ZNF670: variants seen among roughly 807,000 people sequenced by gnomAD.
ZNF670 encodes the protein zinc finger protein 670.
ZNF670 carries 7 observed loss-of-function variants against 10.9 expected under a neutral mutation model. The observed-to-expected ratio is 0.64, with a 90% CI of 0.36 to 1.20. The LOEUF (loss-of-function observed/expected upper bound fraction) is 1.20. ZNF670 is among the 50% of genes most tolerant of loss of function. ZNF670 has a pLI of 0.02. For missense variants in ZNF670, 446 were observed against 458.6 expected (o/e 0.97, Z 0.25); for synonymous variants, 136 against 152.7 (o/e 0.89, Z 0.81).
At chr1:247,072,802 GTGTATATATATA>G in intron 1 of ZNF670, among the ~76,000 whole-genome samples, 1 of 21,782 alleles carries the variant, frequency 4.6e-5, no homozygotes, top group Non-Finnish European at 8.1e-5. Flanking sequence ...AAAAAAGTGT[GTGTATATATATA>G]TATATATATA....
In ZNF670 at chr1:247,078,809, A is replaced by C. The variant is rs1272109162; in HGVS notation, c.-213T>G. The C allele has an allele frequency of 1.7e-6, 1 of 575,502 alleles. No individual in the cohort carries two copies. The highest frequency in any genetic ancestry group is 3.1e-6 in the Non-Finnish European group (1 of 323,856). 35.6% of individuals were successfully genotyped at this position (575,502 alleles called of 1,614,324 possible). ...TCCCTCCTTTCGCGGCGCGCTTGAG[A>C]GTACAGTCCCCTTCCCAGCGCCCGA... On this transcript the variant is annotated 5_prime_UTR_variant, in exon 1 of 4. Coordinates refer to ENST00000366503, the MANE Select transcript of ZNF670 (RefSeq NM_033213.5).
intron 1 of ZNF670, among the ~76,000 whole-genome samples, chr1:247,057,211 A>G (rs1021397033): frequency 6.6e-6 from 1 of 152,250 alleles, no homozygotes; most frequent in African/African-American, 2.4e-5. Flanking sequence ...AAAATGTCTC[A>G]AAAGAAGACA....
chr1:247,062,191 C>T (rs983285998), intron 1 of ZNF670, among the ~76,000 whole-genome samples: 1 of 149,438 alleles, frequency 6.7e-6, no homozygotes, highest in African/African-American at 2.5e-5. Context: ...ATTTACGACA[C>T]TTTTTTTTTT....
chr1:247,059,038 C>T (rs1025005317), intron 1 of ZNF670, among the ~76,000 whole-genome samples: 1 of 152,048 alleles, frequency 6.6e-6, no homozygotes, highest in Non-Finnish European at 1.5e-5. Context: ...ATGCAGACAA[C>T]ACTGCCCTAA....
At chr1:247,054,465 A>G (rs191021169) in intron 1 of ZNF670, among the ~76,000 whole-genome samples, 5 of 152,376 alleles carry the variant, frequency 3.3e-5, no homozygotes, top group African/African-American at 1.2e-4. Flanking sequence ...ATAAGAGCTC[A>G]GCTCCAGTAG....
At chr1:247,039,993 G>C (rs1162846715) in intron 1 of ZNF670, among the ~76,000 whole-genome samples, 1 of 152,146 alleles carries the variant, frequency 6.6e-6, no homozygotes, top group Admixed American at 6.5e-5. Flanking sequence ...ATCACCCTAA[G>C]TGAGTGGTTC....
At chr1:247,039,607 C>A (rs1670258642) in intron 1 of ZNF670, 70 bp from the exon 2 acceptor site, 1 of 1,392,490 alleles carries the variant, frequency 7.2e-7, no homozygotes, top group South Asian at 1.9e-5. Flanking sequence ...ATACTCATCT[C>A]ATAAAATCGT....
chr1:247,057,924 T>C (rs1309799524), intron 1 of ZNF670, among the ~76,000 whole-genome samples: 1 of 152,196 alleles, frequency 6.6e-6, no homozygotes, highest in Non-Finnish European at 1.5e-5. Context: ...ACCTTGTATT[T>C]TGCTAGCAAA....
chr1:247,060,520 A>G (rs1670833586), intron 1 of ZNF670, among the ~76,000 whole-genome samples: 1 of 152,252 alleles, frequency 6.6e-6, no homozygotes, highest in African/African-American at 2.4e-5. Flanking sequence ...AAGATGACAC[A>G]GGAGAAACTG....
chr1:247,049,189 G>C (rs1356339230), intron 1 of ZNF670, among the ~76,000 whole-genome samples: 1 of 144,186 alleles, frequency 6.9e-6, no homozygotes, highest in African/African-American at 2.6e-5. Context: ...ACCTCCACCT[G>C]CCGGGTTAAG....
chr1:247,037,442 T>A lies in ZNF670; in HGVS notation c.*7A>T, dbSNP rs368897480. On this transcript the variant is annotated 3_prime_UTR_variant, in exon 4 of 4. Coordinates refer to ENST00000366503, the MANE Select transcript of ZNF670 (RefSeq NM_033213.5). Reference sequence around the variant, plus strand: ...CATTGACAGAGGTGTTTTGTTGTTGTTGTTTTTTACCACATATAAGCTCTT... The same window carrying A: ...CATTGACAGAGGTGTTTTGTTGTTGATGTTTTTTACCACATATAAGCTCTT... 1 of 1,582,074 alleles carries A rather than the reference T, an allele frequency of 6.3e-7. No homozygotes were observed. The highest frequency in any genetic ancestry group is 8.6e-7 in the Non-Finnish European group (1 of 1,166,640).
At chr1:247,055,258 T>G (rs1670688707) in intron 1 of ZNF670, among the ~76,000 whole-genome samples, 1 of 152,234 alleles carries the variant, frequency 6.6e-6, no homozygotes, top group African/African-American at 2.4e-5. Flanking sequence ...CACTTTCCTT[T>G]CCTTTTTTAG....
rs144404325 is a variant in ZNF670 at position 247,060,192 on chromosome 1, T to C, written c.3+18402A>G. Among the ~76,000 whole-genome samples the C allele has an allele frequency of 2.6e-5, 4 of 152,286 alleles. No individual in the cohort carries two copies. The East Asian group carries it at 7.7e-4, about 29-fold the overall frequency. ...TGGTAATACAATATTGAAGAATCAA[T>C]TCACAGAATTGATACCACCTGACAC... On this transcript the variant is annotated intron_variant, in intron 1 of 3. Coordinates refer to ENST00000366503, the MANE Select transcript of ZNF670 (RefSeq NM_033213.5).
At chr1:247,063,038 C>G (rs913267267) in intron 1 of ZNF670, among the ~76,000 whole-genome samples, 1 of 152,154 alleles carries the variant, frequency 6.6e-6, no homozygotes, top group South Asian at 2.1e-4. Flanking sequence ...GATGAAATGT[C>G]TGCGCTTAGG....
intron 1 of ZNF670, among the ~76,000 whole-genome samples, chr1:247,072,560 G>A (rs1035081757): frequency 6.6e-6 from 1 of 151,432 alleles, no homozygotes; most frequent in Non-Finnish European, 1.5e-5. Flanking sequence ...CAAGGCGGGA[G>A]GATCACCTGA....
At position 247,039,482 on chromosome 1, in the gene ZNF670, A is replaced by G; in HGVS notation, c.59T>C (p.Leu20Ser). 2 of 1,607,296 alleles carry G rather than the reference A, an allele frequency of 1.2e-6. No homozygotes were observed. Among genetic ancestry groups the G allele is most frequent in the Non-Finnish European group, 1.7e-6 (2 of 1,177,388 alleles). ...GAGATTCTTTTGAGAAGGATCCAGC[A>G]AAGCCCACTCCTCCTGAGTAAAGGC... ...AVAFTQEEWALLDPSQKNLYR... is the reference protein window; with the variant it reads ...AVAFTQEEWASLDPSQKNLYR... The change falls in exon 2 of 4, where the codon TTG (leucine) becomes TCG (serine). Residue 20 changes from leucine (L) to serine (S), a missense_variant. By Grantham distance (145) the Leu-to-Ser change is moderately radical. Transcript: ENST00000366503.
intron 1 of ZNF670, among the ~76,000 whole-genome samples, chr1:247,062,698 G>C (rs1398450962): frequency 6.6e-6 from 1 of 152,136 alleles, no homozygotes; most frequent in Non-Finnish European, 1.5e-5. Context: ...TGCTTTGCAG[G>C]TTCTTTCACC....
In ZNF670 at chr1:247,035,067, C is replaced by T. The variant is rs1670115926; in HGVS notation, c.*2382G>A. On this transcript the variant is annotated 3_prime_UTR_variant, in exon 4 of 4. Coordinates refer to ENST00000366503, the MANE Select transcript of ZNF670 (RefSeq NM_033213.5). ...CTGTGTAGACCAAAGTGAAAGTCCA[C>T]CATCAATTGCTGTTTCTAATTCAGG... 6.6e-6 allele frequency among the ~76,000 whole-genome samples: 1 copy of T among 152,150 alleles called. No homozygotes were observed. The highest frequency in any genetic ancestry group is 2.4e-5 in the African/African-American group (1 of 41,444).
intron 1 of ZNF670, among the ~76,000 whole-genome samples, chr1:247,053,059 A>G (rs1572562983): frequency 6.6e-6 from 1 of 152,164 alleles, no homozygotes; most frequent in Admixed American, 6.5e-5. Flanking sequence ...ACAGGCTGCC[A>G]GGGAAGTGGG....
Sources: allele counts gnomAD v4.1 joint callset (sites outside exome capture counted in the v4.1 genomes callset), GRCh38; gene constraint gnomAD v4.1.1; transcripts MANE v1.5; gene names NCBI Gene and HGNC (gene_info 2026-07-23, HGNC 2026-07-21).